PRR16: variants seen among roughly 807,000 people sequenced by gnomAD.
PRR16 encodes proline rich 16.
A neutral mutation model predicts 18.2 loss-of-function variants in PRR16; 6 were observed. The ratio of observed to expected loss-of-function variants is 0.33; its 90% CI spans 0.18 to 0.65. The LOEUF is 0.65. Among genes scored for constraint, PRR16 ranks in the 30% least tolerant of loss-of-function variants. The pLI is 0.74. For synonymous variants in PRR16, 151 were observed against 147.8 expected, an observed-to-expected ratio of 1.02 and a Z score of -0.16; for missense variants, 412 against 376.6, an observed-to-expected ratio of 1.09 and a Z score of -0.78.
intron 1 of PRR16, among the ~76,000 whole-genome samples, chr5:120,636,859 A>C (rs536816791): frequency 1.3e-5 from 2 of 152,284 alleles, no homozygotes; most frequent in African/African-American, 4.8e-5. Flanking sequence ...GCCAACCCAC[A>C]GAGTGAGAGA....
the PRR16 span, among the ~76,000 whole-genome samples, chr5:120,791,006 A>G: frequency 6.6e-6 from 1 of 152,208 alleles, no homozygotes; most frequent in African/African-American, 2.4e-5. Context: ...TTAAAAACCA[A>G]GAAGTCAAAT....
At chr5:120,696,267 G>A in the PRR16 span, among the ~76,000 whole-genome samples, 1 of 151,908 alleles carries the variant, frequency 6.6e-6, no homozygotes, top group East Asian at 1.9e-4. Flanking sequence ...AAAACCCACA[G>A]TGGTATAATG....
intron 1 of PRR16, among the ~76,000 whole-genome samples, chr5:120,670,449 A>G (rs1055489135): frequency 2.0e-5 from 3 of 152,122 alleles, no homozygotes; most frequent in Admixed American, 1.3e-4. Flanking sequence ...TTGTTTTCAA[A>G]TTTTATGTAA....
At chr5:120,598,075 C>T (rs1005347052) in intron 1 of PRR16, among the ~76,000 whole-genome samples, 13 of 151,848 alleles carry the variant, frequency 8.6e-5, no homozygotes, top group Admixed American at 2.6e-4. Context: ...CCATGAAGAT[C>T]TACCTCATCA....
the PRR16 span, among the ~76,000 whole-genome samples, chr5:120,793,484 T>C: frequency 6.6e-6 from 1 of 152,116 alleles, no homozygotes; most frequent in Non-Finnish European, 1.5e-5. Flanking sequence ...TGCAAAGCAC[T>C]GCAAAGAGGA....
At chr5:120,582,624 A>T (rs1160793489) in intron 1 of PRR16, among the ~76,000 whole-genome samples, 1 of 152,226 alleles carries the variant, frequency 6.6e-6, no homozygotes, top group Non-Finnish European at 1.5e-5. Context: ...GGACTTTAAA[A>T]ACAATCTGGA....
intron 1 of PRR16, among the ~76,000 whole-genome samples, chr5:120,609,415 A>G (rs1044704041): frequency 1.3e-5 from 2 of 152,058 alleles, no homozygotes; most frequent in Non-Finnish European, 2.9e-5. Context: ...CTAAAAAAAA[A>G]ATTTTTAAAA....
chr5:120,495,405 T>A (rs1160127953), intron 1 of PRR16, among the ~76,000 whole-genome samples: 2 of 152,146 alleles, frequency 1.3e-5, no homozygotes, highest in African/African-American at 4.8e-5. Context: ...AAGTTTCATA[T>A]ATAAAATGGT....
the PRR16 span, among the ~76,000 whole-genome samples, chr5:120,766,435 CTATTA>C: frequency 4.0e-5 from 6 of 149,396 alleles, no homozygotes; most frequent in African/African-American, 7.4e-5. Context: ...TATTACTTTT[CTATTA>C]TATCTTTTTT....
the PRR16 span, among the ~76,000 whole-genome samples, chr5:120,739,486 C>G: frequency 6.6e-6 from 1 of 152,106 alleles, no homozygotes; most frequent in Admixed American, 6.5e-5. Context: ...GTTGCCATGT[C>G]TGAGCTGTGC....
chr5:120,654,054 A>G (rs923343189), intron 1 of PRR16, among the ~76,000 whole-genome samples: 3 of 152,074 alleles, frequency 2.0e-5, no homozygotes, highest in African/African-American at 7.2e-5. Context: ...CTCTTTTGTA[A>G]CTAGTAGATG....
intron 1 of PRR16, among the ~76,000 whole-genome samples, chr5:120,634,198 A>G (rs1445547783): frequency 6.6e-6 from 1 of 152,202 alleles, no homozygotes; most frequent in Non-Finnish European, 1.5e-5. Flanking sequence ...CAATGAAATC[A>G]AGATGGAAAT....
the PRR16 span, among the ~76,000 whole-genome samples, chr5:120,693,253 T>A: frequency 2.0e-5 from 3 of 152,164 alleles, no homozygotes; most frequent in Non-Finnish European, 2.9e-5. Flanking sequence ...TCAACCAGGT[T>A]TGAGATTTGG....
At chr5:120,526,565 CGGAACA>C (rs1751355899) in intron 1 of PRR16, among the ~76,000 whole-genome samples, 1 of 151,958 alleles carries the variant, frequency 6.6e-6, no homozygotes, top group Non-Finnish European at 1.5e-5. Context: ...ACCCTGGGTA[CGGAACA>C]TAATTGGTAG....
the PRR16 span, among the ~76,000 whole-genome samples, chr5:120,772,984 T>C: frequency 1.3e-5 from 2 of 152,118 alleles, no homozygotes; most frequent in Admixed American, 6.6e-5. Context: ...CCCAAATTTT[T>C]CTGGAAGAAC....
chr5:120,552,708 T>G (rs1015809733), intron 1 of PRR16, among the ~76,000 whole-genome samples: 11 of 151,942 alleles, frequency 7.2e-5, no homozygotes, highest in African/African-American at 2.7e-4. Context: ...ACATGCATTT[T>G]TTCCTGCAAT....
At chr5:120,763,587 A>T in the PRR16 span, among the ~76,000 whole-genome samples, 3 of 152,074 alleles carry the variant, frequency 2.0e-5, no homozygotes, top group African/African-American at 7.2e-5. Flanking sequence ...TATTTCTATG[A>T]AAAATAATGT....
At chr5:120,710,100 T>G in the PRR16 span, among the ~76,000 whole-genome samples, 1 of 152,212 alleles carries the variant, frequency 6.6e-6, no homozygotes, top group Non-Finnish European at 1.5e-5. Context: ...CAACAGTGTA[T>G]GAGCTTTCCC....
the PRR16 span, among the ~76,000 whole-genome samples, chr5:120,697,875 A>T: frequency 2.0e-5 from 3 of 152,026 alleles, no homozygotes; most frequent in Non-Finnish European, 4.4e-5. Context: ...CTTAAGACAA[A>T]AGAAGTATTT....
Sources: gnomAD v4.1 joint callset for allele counts (sites outside exome capture counted in the v4.1 genomes callset) on GRCh38, gnomAD v4.1.1 for gene constraint, MANE v1.5 for transcripts, NCBI Gene and HGNC (gene_info 2026-07-23, HGNC 2026-07-21) for gene names.